The following STIM1 variants were observed in gnomAD, a reference collection of about 807,000 sequenced individuals.
STIM1 encodes the protein stromal interaction molecule 1.
STIM1 carries 25 observed loss-of-function variants against 74.7 expected under a neutral mutation model. The ratio of observed to expected loss-of-function variants is 0.33; its 90% CI spans 0.24 to 0.47. STIM1 has a LOEUF of 0.47. Among genes scored for constraint, STIM1 ranks in the 20% least tolerant of loss-of-function variants. The pLI, the probability that STIM1 is intolerant of heterozygous loss-of-function variation, is 1.00. For synonymous variants in STIM1, 328 were observed against 348.8 expected, an observed-to-expected ratio of 0.94 and a Z score of 0.66; for missense variants, 728 against 920.8, an observed-to-expected ratio of 0.79 and a Z score of 2.71.
chr11:3,944,740 G>A (rs188894940), intron 1 of STIM1, among the ~76,000 whole-genome samples: 17 of 152,176 alleles, frequency 1.1e-4, no homozygotes, highest in African/African-American at 4.1e-4. Flanking sequence ...AGTGAGCATC[G>A]GTGAGCTGTT....
At chr11:3,886,348 G>A (rs1267536472) in intron 1 of STIM1, among the ~76,000 whole-genome samples, 1 of 152,068 alleles carries the variant, frequency 6.6e-6, no homozygotes, top group African/African-American at 2.4e-5. Flanking sequence ...TCTGTAAATA[G>A]CTACTGGTAT....
chr11:4,028,461 T>C (rs1590659738), intron 3 of STIM1, among the ~76,000 whole-genome samples: 1 of 150,298 alleles, frequency 6.7e-6, no homozygotes. Context: ...CAGGCTGGAG[T>C]GCAGTGGAAT....
chr11:3,891,883 A>G (rs1451284497), intron 1 of STIM1, among the ~76,000 whole-genome samples: 1 of 152,238 alleles, frequency 6.6e-6, no homozygotes, highest in Non-Finnish European at 1.5e-5. Context: ...CGCAAGTTGT[A>G]GCAGGAAAAC....
At chr11:4,080,467 G>GC (rs1554970950) in intron 7 of STIM1, among the ~76,000 whole-genome samples, 1 of 129,754 alleles carries the variant, frequency 7.7e-6, no homozygotes, top group African/African-American at 2.9e-5. Context: ...TAACCAAACA[G>GC]TTTTTTTTTT....
At chr11:3,862,552 T>C (rs2090658966) in intron 1 of STIM1, among the ~76,000 whole-genome samples, 1 of 152,196 alleles carries the variant, frequency 6.6e-6, no homozygotes, top group Non-Finnish European at 1.5e-5. Flanking sequence ...GAGTTGCATA[T>C]GCATCAGAAT....
intron 12 of STIM1, among the ~76,000 whole-genome samples, chr11:4,089,692 A>G (rs2094512371): frequency 6.6e-6 from 1 of 152,306 alleles, no homozygotes; most frequent in Non-Finnish European, 1.5e-5. Context: ...CCAACTGAGA[A>G]TTAAATCTAC....
intron 1 of STIM1, among the ~76,000 whole-genome samples, chr11:3,945,830 G>A (rs1253934194): frequency 6.6e-6 from 1 of 152,172 alleles, no homozygotes; most frequent in African/African-American, 2.4e-5. Flanking sequence ...AGGAAGCATG[G>A]TGCTGGCAAC....
At chr11:3,943,360 G>A (rs748632894) in intron 1 of STIM1, among the ~76,000 whole-genome samples, 28 of 152,082 alleles carry the variant, frequency 1.8e-4, no homozygotes, top group Non-Finnish European at 2.8e-4. Context: ...TTTCTGCATC[G>A]TTAACTGGAA....
chr11:3,985,321 C>G (rs2093548340), intron 2 of STIM1, among the ~76,000 whole-genome samples: 2 of 151,918 alleles, frequency 1.3e-5, no homozygotes, highest in Admixed American at 1.3e-4. Flanking sequence ...GTGTATATGT[C>G]TATATGTGCC....
chr11:3,976,858 A>G (rs1367054121), intron 2 of STIM1, among the ~76,000 whole-genome samples: 2 of 151,206 alleles, frequency 1.3e-5, no homozygotes, highest in East Asian at 3.9e-4. Context: ...GCAGTGGTAC[A>G]GTCTTGGCTC....
chr11:4,017,162 C>T (rs1483077525), intron 2 of STIM1, among the ~76,000 whole-genome samples: 1 of 152,220 alleles, frequency 6.6e-6, no homozygotes, highest in Non-Finnish European at 1.5e-5. Flanking sequence ...ATTGATCTCA[C>T]TGGGAGCTGT....
At chr11:3,891,359 G>C (rs1017231616) in intron 1 of STIM1, among the ~76,000 whole-genome samples, 1 of 151,064 alleles carries the variant, frequency 6.6e-6, no homozygotes, top group African/African-American at 2.4e-5. Flanking sequence ...GCACGATCTC[G>C]GCTCACTGCA....
At chr11:3,909,815 A>T (rs1187967729) in intron 1 of STIM1, among the ~76,000 whole-genome samples, 1 of 152,084 alleles carries the variant, frequency 6.6e-6, no homozygotes, top group East Asian at 1.9e-4. Flanking sequence ...AAAGAAAAAA[A>T]AAGTCATCTT....
intron 7 of STIM1, among the ~76,000 whole-genome samples, chr11:4,076,019 C>G (rs2094435191): frequency 6.6e-6 from 1 of 151,602 alleles, no homozygotes; most frequent in Non-Finnish European, 1.5e-5. Context: ...CTGTCTTTTT[C>G]TTATTGATTT....
intron 1 of STIM1, among the ~76,000 whole-genome samples, chr11:3,909,599 C>T (rs1011741196): frequency 2.0e-5 from 3 of 151,970 alleles, no homozygotes; most frequent in South Asian, 2.1e-4. Context: ...CTGAGGCGGG[C>T]GGATCACGAG....
chr11:4,057,472 A>G (rs942949323), intron 4 of STIM1, among the ~76,000 whole-genome samples: 2 of 152,162 alleles, frequency 1.3e-5, no homozygotes, highest in African/African-American at 4.8e-5. Flanking sequence ...ACATGGTATA[A>G]TGAGAATAAT....
At chr11:3,976,153 T>C (rs563295771) in intron 2 of STIM1, among the ~76,000 whole-genome samples, 1 of 152,246 alleles carries the variant, frequency 6.6e-6, no homozygotes, top group Non-Finnish European at 1.5e-5. Flanking sequence ...ATGAATTTTT[T>C]GGATGAACAC....
chr11:4,043,606 A>G (rs2094165592), intron 3 of STIM1, among the ~76,000 whole-genome samples: 1 of 152,148 alleles, frequency 6.6e-6, no homozygotes, highest in Non-Finnish European at 1.5e-5. Context: ...TTTAATTTTT[A>G]TGTGTGTTTT....
intron 1 of STIM1, among the ~76,000 whole-genome samples, chr11:3,899,595 A>G (rs1379309415): frequency 4.0e-5 from 6 of 150,488 alleles, no homozygotes; most frequent in African/African-American, 1.5e-4. Flanking sequence ...GTCTTGTGCC[A>G]GTTTTCAAAG....
Sources: allele counts gnomAD v4.1 joint callset (sites outside exome capture counted in the v4.1 genomes callset), GRCh38; gene constraint gnomAD v4.1.1; transcripts MANE v1.5; gene names NCBI Gene and HGNC (gene_info 2026-07-23, HGNC 2026-07-21).